RYR2: variants seen among roughly 807,000 people sequenced by gnomAD.
RYR2 encodes the protein ryanodine receptor 2, also known as cardiac muscle ryanodine receptor-calcium release channel.
Under a neutral mutation model 601.1 loss-of-function variants are expected in RYR2, and 227 were observed. That is an observed-to-expected ratio of 0.38 (90% CI 0.34 to 0.42). The LOEUF (loss-of-function observed/expected upper bound fraction) is 0.42, where lower values mean the gene tolerates loss of function less well. RYR2 is among the 10% of genes least tolerant of loss of function. The pLI is 1.00. For synonymous variants in RYR2, 2,223 were observed against 2,175.1 expected, an observed-to-expected ratio of 1.02 and a Z score of -0.61; for missense variants, 4,646 against 6,156.5, an observed-to-expected ratio of 0.75 and a Z score of 8.21.
chr1:237,769,689 C>A (rs2249847), intron 84 of RYR2, among the ~76,000 whole-genome samples: 87,983 of 151,260 alleles, frequency 0.58, 26,270 homozygotes, highest in Non-Finnish European at 0.64. Context: ...CGATCATTGC[C>A]TCATTTTCTT....
intron 12 of RYR2, among the ~76,000 whole-genome samples, chr1:237,434,349 A>G (rs983176443): frequency 6.6e-6 from 1 of 152,216 alleles, no homozygotes; most frequent in Non-Finnish European, 1.5e-5. Flanking sequence ...AATTGCTGGC[A>G]ACCCTATATA....
At chr1:237,660,113 A>G in intron 55 of RYR2, 39 bp downstream of exon 55, 1 of 1,191,798 alleles carries the variant, frequency 8.4e-7, no homozygotes, top group Non-Finnish European at 1.1e-6. Context: ...TAAAGTTTTT[A>G]TTCTTTTGAA....
At chr1:237,678,403 T>A (rs1366213416) in intron 61 of RYR2, among the ~76,000 whole-genome samples, 1 of 152,234 alleles carries the variant, frequency 6.6e-6, no homozygotes, top group Non-Finnish European at 1.5e-5. Context: ...AAAAAATATC[T>A]ATTTCTTAAC....
At chr1:237,233,349 C>T (rs943302071) in intron 1 of RYR2, among the ~76,000 whole-genome samples, 4 of 152,128 alleles carry the variant, frequency 2.6e-5, no homozygotes, top group Non-Finnish European at 4.4e-5. Flanking sequence ...TTCCTTCTTG[C>T]AGTTTCTCCT....
At chr1:237,407,606 GTTGT>G (rs759937899) in intron 10 of RYR2, among the ~76,000 whole-genome samples, 737 of 52,058 alleles carry the variant, frequency 0.014, 3 homozygotes, top group Non-Finnish European at 0.02. Flanking sequence ...TTAAATTGTG[GTTGT>G]TTTTTTTTTT....
At chr1:237,738,206 T>C (rs1240879218) in intron 79 of RYR2, among the ~76,000 whole-genome samples, 1 of 152,198 alleles carries the variant, frequency 6.6e-6, no homozygotes, top group Non-Finnish European at 1.5e-5. Context: ...AGGCATCATT[T>C]ATATCTTACT....
intron 10 of RYR2, among the ~76,000 whole-genome samples, chr1:237,414,679 A>T (rs1704785477): frequency 6.6e-6 from 1 of 152,160 alleles, no homozygotes; most frequent in African/African-American, 2.4e-5. Context: ...TTATGTTGGG[A>T]ACATTCAAAA....
chr1:237,047,237 C>T (rs1321041771), intron 1 of RYR2, among the ~76,000 whole-genome samples: 1 of 152,172 alleles, frequency 6.6e-6, no homozygotes, highest in Non-Finnish European at 1.5e-5. Flanking sequence ...TTATCCTTAA[C>T]TTGACCTTCA....
chr1:237,614,342 G>A lies in RYR2; in HGVS notation c.5214G>A (p.Leu1738=). 1.2e-6 allele frequency: 2 copies of A among 1,614,012 alleles called. No homozygotes were observed. The highest frequency in any genetic ancestry group is 1.7e-6 in the Non-Finnish European group (2 of 1,179,902). ...PMTEETKSIT[L]FPDENKKHGL... ...CGGAGGAGACGAAGAGCATCACCCT[G>A]TTCCCTGATGAGAACAAAAAACACG... The change falls in exon 37 of 105, where the codon CTG becomes CTA. Residue 1738 remains leucine (L), a synonymous_variant. Coordinates refer to ENST00000366574, the MANE Select transcript of RYR2 (RefSeq NM_001035.3). The surrounding 1 kb of genome is among the most constrained non-coding windows in gnomAD (Gnocchi z 4.3).
At chr1:237,326,939 G>T (rs1242331967) in intron 2 of RYR2, among the ~76,000 whole-genome samples, 1 of 152,104 alleles carries the variant, frequency 6.6e-6, no homozygotes, top group Non-Finnish European at 1.5e-5. Context: ...GGGAACAAAG[G>T]CCTGACATGC....
chr1:237,787,597 CAAAAAA>C (rs778668137), intron 91 of RYR2, among the ~76,000 whole-genome samples: 9 of 60,394 alleles, frequency 1.5e-4, no homozygotes, highest in South Asian at 6.4e-4. Context: ...GTCTCAAAAA[CAAAAAA>C]AAAAAAAAAA....
intron 21 of RYR2, among the ~76,000 whole-genome samples, chr1:237,501,134 A>G (rs948081952): frequency 1.3e-5 from 2 of 149,504 alleles, no homozygotes; most frequent in African/African-American, 4.9e-5. Flanking sequence ...AGATGTGGGC[A>G]GTCTCCCTCA....
chr1:237,685,284 G>T (rs1458012944), intron 62 of RYR2, among the ~76,000 whole-genome samples: 1 of 152,178 alleles, frequency 6.6e-6, no homozygotes, highest in East Asian at 1.9e-4. Flanking sequence ...GATTGCACAG[G>T]AGGGGAAAGA....
At chr1:237,684,092 T>C (rs922683827) in intron 62 of RYR2, among the ~76,000 whole-genome samples, 4 of 149,820 alleles carry the variant, frequency 2.7e-5, no homozygotes, top group Non-Finnish European at 6.0e-5. Context: ...CATGCCCGGC[T>C]AATTTTTTTT....
intron 37 of RYR2, among the ~76,000 whole-genome samples, chr1:237,616,177 C>A (rs2148606683): frequency 6.6e-6 from 1 of 152,200 alleles, no homozygotes; most frequent in East Asian, 1.9e-4. Flanking sequence ...TCAGAGACAG[C>A]ACTGATAGAA....
chr1:237,330,025 T>G (rs1436974191), intron 2 of RYR2, among the ~76,000 whole-genome samples: 2 of 152,250 alleles, frequency 1.3e-5, no homozygotes, highest in South Asian at 2.1e-4. Context: ...TATTTTATAC[T>G]AATTCAGTTT....
chr1:237,593,139 A>C (rs527906506), intron 32 of RYR2, among the ~76,000 whole-genome samples: 6 of 152,194 alleles, frequency 3.9e-5, no homozygotes, highest in Non-Finnish European at 5.9e-5. Context: ...GTATATGTGC[A>C]CATATATATG....
chr1:237,057,401 G>A (rs148731682), intron 1 of RYR2, among the ~76,000 whole-genome samples: 2,705 of 152,158 alleles, frequency 0.018, 33 homozygotes, highest in Non-Finnish European at 0.028. Flanking sequence ...TAGCCAGGAT[G>A]GTCTCGATCT....
At chr1:237,466,731 A>C (rs916180923) in intron 16 of RYR2, among the ~76,000 whole-genome samples, 1 of 152,042 alleles carries the variant, frequency 6.6e-6, no homozygotes, top group Non-Finnish European at 1.5e-5. Flanking sequence ...TTAGCAATTA[A>C]AGTGTTTATT....
Sources: gnomAD v4.1 joint callset for allele counts (sites outside exome capture counted in the v4.1 genomes callset) on GRCh38, gnomAD v4.1.1 for gene constraint, Gnocchi (gnomAD v3.1) non-coding constraint, MANE v1.5 for transcripts, NCBI Gene and HGNC (gene_info 2026-07-23, HGNC 2026-07-21) for gene names.